GRIA2: variants seen among roughly 807,000 people sequenced by gnomAD.
The protein encoded by GRIA2 is glutamate receptor 2.
In GRIA2, 14 loss-of-function variants were observed where a neutral mutation model predicts 97.3. The ratio of observed to expected loss-of-function variants is 0.14; its 90% CI spans 0.10 to 0.23. The LOEUF (loss-of-function observed/expected upper bound fraction) is 0.23, where lower values mean the gene tolerates loss of function less well. Ranked by LOEUF, GRIA2 falls within the 10% of genes least tolerant of loss-of-function variation. The pLI is 1.00. For missense variants in GRIA2, 558 were observed against 1,069.8 expected, an observed-to-expected ratio of 0.52 and a Z score of 6.67; for synonymous variants, 412 against 387.8, an observed-to-expected ratio of 1.06 and a Z score of -0.73.
intron 2 of GRIA2, 119 bp from the exon 3 acceptor site, chr4:157,303,433 A>G: frequency 3.9e-6 from 3 of 762,756 alleles, no homozygotes; most frequent in Non-Finnish European, 6.4e-6. Flanking sequence ...TTAAATCTAT[A>G]TTTCTTTCAA....
intron 6 of GRIA2, among the ~76,000 whole-genome samples, chr4:157,328,396 A>G (rs1007188307): frequency 6.6e-6 from 1 of 152,048 alleles, no homozygotes; most frequent in Admixed American, 6.6e-5. Flanking sequence ...TAGAGATTGT[A>G]GTGACTTGCA....
intron 2 of GRIA2, among the ~76,000 whole-genome samples, chr4:157,267,391 C>CAAA (rs772189197): frequency 3.5e-4 from 18 of 51,674 alleles, no homozygotes; most frequent in South Asian, 7.7e-4. Flanking sequence ...GACTCCATCT[C>CAAA]AAAAAAAAAA....
At chr4:157,264,286 G>A (rs992030049) in intron 2 of GRIA2, among the ~76,000 whole-genome samples, 1 of 152,106 alleles carries the variant, frequency 6.6e-6, no homozygotes, top group Non-Finnish European at 1.5e-5. Flanking sequence ...TGAGGTGTCA[G>A]CAGGGCTGCT....
chr4:157,274,773 G>T (rs551164266), intron 2 of GRIA2, among the ~76,000 whole-genome samples: 3 of 151,780 alleles, frequency 2.0e-5, no homozygotes, highest in African/African-American at 7.3e-5. Flanking sequence ...ATCATTGTTG[G>T]ACATTTGGGT....
chr4:157,349,678 T>C (rs921877978), intron 12 of GRIA2, among the ~76,000 whole-genome samples: 12 of 152,124 alleles, frequency 7.9e-5, no homozygotes, highest in Non-Finnish European at 1.5e-5. Context: ...TTATTTATAA[T>C]GAAAAAGAAT....
At position 157,335,825 on chromosome 4, in the gene GRIA2, G is replaced by A; in HGVS notation, c.1421G>A (p.Arg474Lys). ...TIVGDGKYGA[R>K]DADTKIWNGM... ...GTTGGTGATGGCAAGTATGGGGCCA[G>A]GGATGCAGACACGAAAATTTGGAAT... Residue 474 changes from arginine to lysine, a missense_variant, in exon 10 of 16, where the codon AGG becomes AAG. Arg to Lys is a conservative substitution (Grantham distance 26). Coordinates refer to ENST00000264426, the MANE Select transcript of GRIA2 (RefSeq NM_001083619.3). 6.2e-7 allele frequency: 1 copy of A among 1,612,672 alleles called. No individual in the cohort carries two copies. Among genetic ancestry groups the A allele is most frequent in the Non-Finnish European group, 8.5e-7 (1 of 1,179,154 alleles).
chr4:157,248,815 A>T (rs1268264247), intron 2 of GRIA2, among the ~76,000 whole-genome samples: 11 of 125,882 alleles, frequency 8.7e-5, no homozygotes, highest in African/African-American at 3.2e-4. Context: ...TATATATATA[A>T]ATAAAATAAT....
chr4:157,336,893 C>T (rs975055852), intron 11 of GRIA2, 146 bp downstream of exon 11: 23 of 698,304 alleles, frequency 3.3e-5, no homozygotes, highest in Middle Eastern at 4.2e-4. Flanking sequence ...CTCTTAGCTT[C>T]GGCATAAGTC....
In GRIA2 at chr4:157,365,657, T is replaced by C. The variant is rs772126844; in HGVS notation, c.*2226T>C. 3.3e-5 allele frequency: 5 copies of C among 152,036 alleles called. No homozygotes were observed. The highest frequency in any genetic ancestry group is 6.6e-5 in the Admixed American group (1 of 15,184). 9.4% of individuals were successfully genotyped at this position (152,036 alleles called of 1,614,324 possible). On this transcript the variant is annotated 3_prime_UTR_variant, in exon 16 of 16. Transcript: ENST00000264426. Reference sequence around the variant, plus strand: ...AGCAGTACTCATAGTTTAATATCCATGTAACGGTGCATCAATATATTGCTA... The same window carrying C: ...AGCAGTACTCATAGTTTAATATCCACGTAACGGTGCATCAATATATTGCTA...
intron 2 of GRIA2, among the ~76,000 whole-genome samples, chr4:157,224,614 A>T (rs1467115568): frequency 6.6e-6 from 1 of 152,128 alleles, no homozygotes; most frequent in Non-Finnish European, 1.5e-5. Flanking sequence ...AGAGAGAGGG[A>T]AAGGGAAAGA....
intron 2 of GRIA2, among the ~76,000 whole-genome samples, chr4:157,291,901 C>G (rs1371116238): frequency 6.6e-6 from 1 of 151,680 alleles, no homozygotes; most frequent in East Asian, 1.9e-4. Context: ...ATGGTACTAT[C>G]AATATCTAAA....
At chr4:157,306,398 A>T (rs1348634939) in intron 3 of GRIA2, among the ~76,000 whole-genome samples, 1 of 152,212 alleles carries the variant, frequency 6.6e-6, no homozygotes, top group Non-Finnish European at 1.5e-5. Flanking sequence ...TAATACTTAG[A>T]AATATTAAAT....
intron 2 of GRIA2, among the ~76,000 whole-genome samples, chr4:157,275,396 G>C (rs924731179): frequency 2.6e-5 from 4 of 152,052 alleles, no homozygotes; most frequent in African/African-American, 9.7e-5. Flanking sequence ...GTCAATTTTG[G>C]CTTTTGTTGC....
intron 2 of GRIA2, among the ~76,000 whole-genome samples, chr4:157,244,048 G>C (rs1022242306): frequency 6.6e-6 from 1 of 152,056 alleles, no homozygotes; most frequent in South Asian, 2.1e-4. Flanking sequence ...AGTGAGGAAG[G>C]TCTGTTATTT....
chr4:157,275,844 C>G (rs910091173), intron 2 of GRIA2, among the ~76,000 whole-genome samples: 7 of 151,952 alleles, frequency 4.6e-5, no homozygotes, highest in Admixed American at 4.6e-4. Flanking sequence ...ATTGACTTGG[C>G]GATGTGGGCT....
In GRIA2 at chr4:157,348,329, G is replaced by A. The variant is rs936322015; in HGVS notation, c.2043+6867G>A. ...TGCAGTGGCATGGTAATGGCTCGCT[G>A]CAACCTCAACCTCCTGGCTTGAACT... On this transcript the variant is annotated intron_variant, in intron 12 of 15. Transcript: ENST00000264426. Among the ~76,000 whole-genome samples, 9 of 151,994 alleles carry A rather than the reference G, an allele frequency of 5.9e-5. 1 individual carries two copies. Among genetic ancestry groups the A allele is most frequent in the African/African-American group, 1.7e-4 (7 of 41,458 alleles).
At chr4:157,233,001 G>A (rs1730089196) in intron 2 of GRIA2, among the ~76,000 whole-genome samples, 4 of 152,160 alleles carry the variant, frequency 2.6e-5, no homozygotes, top group Admixed American at 2.6e-4. Flanking sequence ...TTTGGCACAA[G>A]TACATAAAAT....
chr4:157,357,944 T>C (rs1467049475), intron 12 of GRIA2, among the ~76,000 whole-genome samples: 1 of 152,172 alleles, frequency 6.6e-6, no homozygotes, highest in Non-Finnish European at 1.5e-5. Flanking sequence ...TCATATTTCA[T>C]GTAATATTTT....
intron 8 of GRIA2, 113 bp from the exon 9 acceptor site, chr4:157,333,897 T>C (rs1044605885): frequency 3.1e-5 from 20 of 635,680 alleles, no homozygotes; most frequent in African/African-American, 2.5e-4. Context: ...TTAGAACAAG[T>C]CCAGTAAATG....
Sources: gnomAD v4.1 joint callset for allele counts (sites outside exome capture counted in the v4.1 genomes callset) on GRCh38, gnomAD v4.1.1 for gene constraint, MANE v1.5 for transcripts, NCBI Gene and HGNC (gene_info 2026-07-23, HGNC 2026-07-21) for gene names.